The following SGCD variants were observed in gnomAD, a reference collection of about 807,000 sequenced individuals.
SGCD encodes the protein delta-sarcoglycan.
SGCD carries 18 observed loss-of-function variants against 36.6 expected under a neutral mutation model. The ratio of observed to expected loss-of-function variants is 0.49; its 90% confidence interval spans 0.34 to 0.73. The LOEUF is 0.73. SGCD is among the 30% of genes least tolerant of loss of function. SGCD has a pLI of 0.01. For synonymous variants in SGCD, 133 were observed against 130.6 expected, an observed-to-expected ratio of 1.02 and a Z score of -0.12; for missense variants, 387 against 346.7, an observed-to-expected ratio of 1.12 and a Z score of -0.92.
chr5:155,850,418 C>CAGAG, the SGCD span, among the ~76,000 whole-genome samples: 4 of 149,114 alleles, frequency 2.7e-5, no homozygotes, highest in Non-Finnish European at 4.5e-5. Flanking sequence ...GAGACAGAGA[C>CAGAG]AGAGAGAGAG....
chr5:155,780,589 C>T, the SGCD span, among the ~76,000 whole-genome samples: 1 of 152,090 alleles, frequency 6.6e-6, no homozygotes, highest in South Asian at 2.1e-4. Context: ...GATGCAGTGG[C>T]ATTTGAATTG....
At chr5:156,307,555 G>GTTGTTTTTTTTTTTTTTTTTTTTTTTT in intron 3 of SGCD, among the ~76,000 whole-genome samples, 1 of 41,146 alleles carries the variant, frequency 2.4e-5, no homozygotes, top group Non-Finnish European at 4.9e-5. Flanking sequence ...TTTAACTGTT[G>GTTGTTTTTTTTTTTTTTTTTTTTTTTT]TTTTTTTTTT....
chr5:156,754,156 G>A (rs892249908), intron 7 of SGCD, among the ~76,000 whole-genome samples: 50 of 152,232 alleles, frequency 3.3e-4, no homozygotes, highest in Middle Eastern at 3.4e-3. Flanking sequence ...CTACCTCTCC[G>A]GCCTGGGTCC....
rs778769190 is a variant in SGCD at position 156,589,298 on chromosome 5, T to G, written c.362T>G (p.Val121Gly). ...TVNILNDQTK[V>G]LTQLITGPKA... ...AACATTCTCAATGACCAGACTAAAG[T>G]GCTAACTCAGCTTATAACAGGTAAG... The change falls in exon 5 of 9, where the codon GTG (valine) becomes GGG (glycine). Residue 121 changes from valine (V) to glycine (G), a missense_variant. Physicochemically the swap from Val to Gly is moderately radical, Grantham distance 109. Coordinates refer to ENST00000337851, the MANE Select transcript of SGCD (RefSeq NM_000337.6). 6.4e-7 allele frequency: 1 copy of G among 1,570,780 alleles called. No homozygotes were observed. Among genetic ancestry groups the G allele is most frequent in the South Asian group, 1.2e-5 (1 of 85,464 alleles).
intron 4 of SGCD, among the ~76,000 whole-genome samples, chr5:156,575,008 C>T (rs1450816436): frequency 6.6e-6 from 1 of 152,076 alleles, no homozygotes; most frequent in Non-Finnish European, 1.5e-5. Context: ...CTCAGATCTG[C>T]GGGAGCTCTT....
intron 4 of SGCD, among the ~76,000 whole-genome samples, chr5:156,586,730 C>A (rs1760509340): frequency 6.6e-6 from 1 of 152,120 alleles, no homozygotes; most frequent in Non-Finnish European, 1.5e-5. Context: ...TTTGACATAT[C>A]CCTATGATTG....
At chr5:155,952,070 T>C (rs963455243) in intron 1 of SGCD, among the ~76,000 whole-genome samples, 6 of 152,164 alleles carry the variant, frequency 3.9e-5, no homozygotes, top group Non-Finnish European at 7.4e-5. Flanking sequence ...TCCTTGATGG[T>C]AAAGAAAGAA....
chr5:156,056,844 G>A lies in SGCD; in HGVS notation c.-281-61034G>A, dbSNP rs1027311450. ...GTGGTTACACAACTATAACCACTGG[G>A]CATTTTTTGAAAGTACTTTATGAAT... is the stretch of plus-strand genomic sequence containing the variant. On this transcript the variant is annotated intron_variant, in intron 1 of 9. Transcript: ENST00000517913. 1.4e-5 allele frequency among the ~76,000 whole-genome samples: 2 copies of A among 145,556 alleles called. 1 individual carries two copies. The highest frequency in any genetic ancestry group is 4.9e-5 in the African/African-American group (2 of 40,410).
At chr5:155,864,042 C>A in the SGCD span, among the ~76,000 whole-genome samples, 1 of 152,016 alleles carries the variant, frequency 6.6e-6, no homozygotes, top group Non-Finnish European at 1.5e-5. Context: ...GTGTGTAGGG[C>A]CATGTGGGCT....
chr5:156,143,737 A>AT (rs1042178613), intron 3 of SGCD, among the ~76,000 whole-genome samples: 234 of 149,766 alleles, frequency 1.6e-3, no homozygotes, highest in African/African-American at 4.9e-3. Context: ...TTTTTTTGCA[A>AT]TTTTTTTTTT....
chr5:156,263,287 G>T (rs184711395), intron 3 of SGCD, among the ~76,000 whole-genome samples: 17 of 151,980 alleles, frequency 1.1e-4, no homozygotes, highest in African/African-American at 4.1e-4. Flanking sequence ...TCTGACTATG[G>T]CCATTCTTGC....
intron 1 of SGCD, among the ~76,000 whole-genome samples, chr5:155,929,462 A>AT (rs1400043951): frequency 3.3e-5 from 5 of 151,874 alleles, no homozygotes; most frequent in Non-Finnish European, 7.4e-5. Context: ...CCAAATTCCC[A>AT]TTTTTTCCTC....
chr5:156,266,467 A>G (rs1766002788), intron 3 of SGCD, among the ~76,000 whole-genome samples: 1 of 152,196 alleles, frequency 6.6e-6, no homozygotes, highest in South Asian at 2.1e-4. Context: ...TTTTGATTTG[A>G]CATTTAAAAA....
the SGCD span, among the ~76,000 whole-genome samples, chr5:155,732,393 C>T: frequency 6.6e-5 from 10 of 152,276 alleles, no homozygotes; most frequent in African/African-American, 2.2e-4. Flanking sequence ...AATTATGTAC[C>T]GTGGTAGCTG....
intron 3 of SGCD, among the ~76,000 whole-genome samples, chr5:156,419,201 C>T (rs371728384): frequency 3.2e-4 from 48 of 152,164 alleles, no homozygotes; most frequent in African/African-American, 1.1e-3. Flanking sequence ...TTTTCACATG[C>T]GGAATTAACT....
At chr5:156,054,601 C>A (rs1460480781) in intron 1 of SGCD, among the ~76,000 whole-genome samples, 1 of 146,590 alleles carries the variant, frequency 6.8e-6, no homozygotes, top group Non-Finnish European at 1.5e-5. Context: ...CATGAACTTT[C>A]TATATTTAAA....
rs1279318754 is a variant in SGCD, at chr5:156,024,407, G to C, written c.-281-93471G>C. On this transcript the variant is annotated intron_variant, in intron 1 of 9. Transcript: ENST00000517913. ...GCCTACAAGATTGTGAAAGTTAGTG[G>C]GGAAAGCAGACACAGATAAAATTCA... Among the ~76,000 whole-genome samples the C allele has an allele frequency of 2.6e-5, 4 of 151,460 alleles. No individual in the cohort carries two copies. The East Asian group carries it at 7.7e-4, about 29-fold the overall frequency.
intron 3 of SGCD, among the ~76,000 whole-genome samples, chr5:156,172,654 T>C (rs1763371363): frequency 6.6e-6 from 1 of 152,240 alleles, no homozygotes; most frequent in African/African-American, 2.4e-5. Flanking sequence ...AAATAACCTT[T>C]GGATGTGAAG....
chr5:155,987,081 A>G (rs1758347459), intron 1 of SGCD, among the ~76,000 whole-genome samples: 1 of 152,194 alleles, frequency 6.6e-6, no homozygotes, highest in South Asian at 2.1e-4. Context: ...ATGTCATAGG[A>G]GAAAGTGGAC....
Sources: allele counts gnomAD v4.1 joint callset (sites outside exome capture counted in the v4.1 genomes callset), GRCh38; gene constraint gnomAD v4.1.1; transcripts MANE v1.5; gene names NCBI Gene and HGNC (gene_info 2026-07-23, HGNC 2026-07-21).